NRG1: variants seen among roughly 807,000 people sequenced by gnomAD.
NRG1 encodes the protein pro-neuregulin-1, membrane-bound isoform.
Under a neutral mutation model 63.8 loss-of-function variants are expected in NRG1, and 18 were observed. That is an observed-to-expected ratio of 0.28 (90% CI 0.19 to 0.42). The LOEUF is 0.42. Among genes scored for constraint, NRG1 ranks in the 10% least tolerant of loss-of-function variants. The pLI is 1.00. For synonymous variants in NRG1, 302 were observed against 301.3 expected, an observed-to-expected ratio of 1.00 and a Z score of -0.02; for missense variants, 762 against 814.7, an observed-to-expected ratio of 0.94 and a Z score of 0.79.
At chr8:32,693,467 C>T (rs538244849) in intron 5 of NRG1, among the ~76,000 whole-genome samples, 33 of 151,520 alleles carry the variant, frequency 2.2e-4, no homozygotes, top group African/African-American at 8.0e-4. Context: ...CCGCCCACCT[C>T]GGCCTCCCAA....
intron 1 of NRG1, among the ~76,000 whole-genome samples, chr8:31,844,641 A>G (rs1302441827): frequency 6.6e-6 from 1 of 152,212 alleles, no homozygotes; most frequent in Non-Finnish European, 1.5e-5. Context: ...TTTGAGCATC[A>G]GTTTACTCAC....
chr8:32,201,430 C>A (rs139858976), intron 1 of NRG1, among the ~76,000 whole-genome samples: 96 of 152,276 alleles, frequency 6.3e-4, no homozygotes, highest in African/African-American at 2.2e-3. Flanking sequence ...TCATTTAAAG[C>A]AGTTACCTTT....
At chr8:32,271,014 C>A (rs113640670) in intron 1 of NRG1, among the ~76,000 whole-genome samples, 6 of 152,228 alleles carry the variant, frequency 3.9e-5, no homozygotes, top group African/African-American at 1.4e-4. Context: ...CTAGTTCCAT[C>A]AAAATATAAA....
chr8:32,405,010 T>C (rs993301395), intron 1 of NRG1, among the ~76,000 whole-genome samples: 6 of 152,160 alleles, frequency 3.9e-5, no homozygotes, highest in Non-Finnish European at 7.3e-5. Flanking sequence ...GTACCGCCAA[T>C]CACTAAAAGG....
In NRG1 at chr8:32,759,388, C is replaced by T. The variant is rs1317988906; in HGVS notation, c.1004C>T (p.Thr335Ile). Reference sequence around the variant, plus strand: ...ACATCCTTTTCCACCAGTCACTATACTTCCACAGCCCATCACTCCACTACT... The same window carrying T: ...ACATCCTTTTCCACCAGTCACTATATTTCCACAGCCCATCACTCCACTACT... The change falls in exon 10 of 12, where the codon ACT (threonine) becomes ATT (isoleucine). Residue 335 changes from threonine to isoleucine, a missense_variant. Thr to Ile is a moderately conservative substitution (Grantham distance 89). Coordinates refer to ENST00000356819, the Ensembl canonical transcript of NRG1. 3.7e-6 allele frequency: 6 copies of T among 1,613,822 alleles called. No homozygotes were observed. The African/African-American group carries it at 4.0e-5, about 11-fold the overall frequency.
At chr8:32,708,596 A>T (rs1321232412) in intron 5 of NRG1, among the ~76,000 whole-genome samples, 3 of 152,040 alleles carry the variant, frequency 2.0e-5, no homozygotes, top group African/African-American at 7.2e-5. Flanking sequence ...GTCTTGGCAA[A>T]CTCCTAATCT....
At chr8:32,563,340 C>T (rs1230530982) in intron 1 of NRG1, among the ~76,000 whole-genome samples, 1 of 152,182 alleles carries the variant, frequency 6.6e-6, no homozygotes, top group African/African-American at 2.4e-5. Context: ...ATGTAGGAAA[C>T]AGCTTATCTT....
intron 1 of NRG1, among the ~76,000 whole-genome samples, chr8:32,130,972 C>T (rs779552739): frequency 2.6e-5 from 4 of 151,930 alleles, no homozygotes. Flanking sequence ...CACCAACTAT[C>T]TTGGGCACAC....
At chr8:32,127,398 T>C (rs1395782565) in intron 1 of NRG1, among the ~76,000 whole-genome samples, 1 of 151,822 alleles carries the variant, frequency 6.6e-6, no homozygotes, top group Non-Finnish European at 1.5e-5. Context: ...GCTACAGACC[T>C]TGCTTATCAC....
chr8:32,513,317 G>A (rs1829438811), intron 1 of NRG1, among the ~76,000 whole-genome samples: 1 of 151,492 alleles, frequency 6.6e-6, no homozygotes, highest in African/African-American at 2.4e-5. Flanking sequence ...AAAGAATTTG[G>A]GGCTGTGAGG....
chr8:32,664,957 A>G (rs975154665), intron 5 of NRG1, among the ~76,000 whole-genome samples: 1 of 152,186 alleles, frequency 6.6e-6, no homozygotes, highest in African/African-American at 2.4e-5. Context: ...GAAAACATTC[A>G]TTACTTCTTC....
At chr8:32,599,256 T>C (rs1843895879) in intron 2 of NRG1, among the ~76,000 whole-genome samples, 1 of 152,154 alleles carries the variant, frequency 6.6e-6, no homozygotes, top group South Asian at 2.1e-4. Context: ...AACTTTTTCT[T>C]AGGCTATGAT....
intron 1 of NRG1, among the ~76,000 whole-genome samples, chr8:32,118,857 C>T (rs1227419199): frequency 6.6e-6 from 1 of 152,024 alleles, no homozygotes. Flanking sequence ...AAACCAGCTC[C>T]TTGTACCTCA....
intron 1 of NRG1, among the ~76,000 whole-genome samples, chr8:31,937,048 C>A (rs576599922): frequency 1.3e-5 from 2 of 152,302 alleles, no homozygotes; most frequent in East Asian, 3.9e-4. Context: ...AATAATTTTT[C>A]ATTGCCAACA....
In NRG1 at chr8:31,743,696, G is replaced by A. The variant is rs142212553; in HGVS notation, c.37+104265G>A. On this transcript the variant is annotated intron_variant, in intron 1 of 10. Coordinates refer to the NRG1 transcript ENST00000519301. ...ATATGGAAGGAAATTTAAAGGGTCT[G>A]TGGCTTGAACATGTTGGAAAGTCTT... Among the ~76,000 whole-genome samples the A allele has an allele frequency of 2.6e-3, 400 of 152,082 alleles. 4 individuals are homozygous for A. The highest frequency in any genetic ancestry group is 9.2e-3 in the African/African-American group (382 of 41,514).
chr8:31,974,687 C>A (rs1017228838), intron 1 of NRG1, among the ~76,000 whole-genome samples: 3 of 152,180 alleles, frequency 2.0e-5, no homozygotes, highest in Non-Finnish European at 4.4e-5. Context: ...CTGAATCTCC[C>A]GTGTCTTTGT....
chr8:31,674,769 C>A (rs988169254), intron 1 of NRG1, among the ~76,000 whole-genome samples: 1 of 152,198 alleles, frequency 6.6e-6, no homozygotes, highest in African/African-American at 2.4e-5. Flanking sequence ...ATTACCAAAG[C>A]CATGATAGAC....
chr8:32,628,640 C>G (rs1453399655), intron 5 of NRG1, among the ~76,000 whole-genome samples: 1 of 151,776 alleles, frequency 6.6e-6, no homozygotes, highest in Non-Finnish European at 1.5e-5. Flanking sequence ...GATATTTAAA[C>G]TCATTCAGCT....
intron 1 of NRG1, among the ~76,000 whole-genome samples, chr8:31,907,283 A>G (rs1475826551): frequency 6.6e-6 from 1 of 151,780 alleles, no homozygotes; most frequent in African/African-American, 2.4e-5. Flanking sequence ...CAAGGAAAAG[A>G]CTGGGAATTG....
Sources: allele counts gnomAD v4.1 joint callset (sites outside exome capture counted in the v4.1 genomes callset), GRCh38; gene constraint gnomAD v4.1.1; transcripts MANE v1.5; gene names NCBI Gene and HGNC (gene_info 2026-07-23, HGNC 2026-07-21).